Variants in KSR2 observed in about 807,000 individuals in gnomAD.
KSR2 encodes kinase suppressor of ras 2.
A neutral mutation model predicts 107.8 loss-of-function variants in KSR2; 25 were observed. The observed-to-expected ratio is 0.23, with a 90% CI of 0.17 to 0.32. The LOEUF (loss-of-function observed/expected upper bound fraction) is 0.32, where lower values mean the gene tolerates loss of function less well. KSR2 is among the 10% of genes least tolerant of loss of function. The pLI is 1.00. For synonymous variants in KSR2, 480 were observed against 507.0 expected, an observed-to-expected ratio of 0.95 and a Z score of 0.71; for missense variants, 887 against 1,268.9, an observed-to-expected ratio of 0.70 and a Z score of 4.57.
chr12:117,740,467 ATG>A (rs1888147662), intron 4 of KSR2, among the ~76,000 whole-genome samples: 1 of 48,416 alleles, frequency 2.1e-5, no homozygotes, highest in African/African-American at 6.6e-5. Context: ...CATATATTAT[ATG>A]TAATATATAA....
chr12:117,654,954 G>A (rs1395974916), intron 5 of KSR2, among the ~76,000 whole-genome samples: 1 of 152,174 alleles, frequency 6.6e-6, no homozygotes, highest in Non-Finnish European at 1.5e-5. Context: ...TCAGCAACAT[G>A]GACTTCCACT....
At chr12:117,592,653 T>G (rs1329848189) in intron 5 of KSR2, among the ~76,000 whole-genome samples, 1 of 152,232 alleles carries the variant, frequency 6.6e-6, no homozygotes, top group Admixed American at 6.5e-5. Context: ...GCTGAGGCAT[T>G]TAATTACAGT....
intron 1 of KSR2, among the ~76,000 whole-genome samples, chr12:117,967,192 T>C (rs1896823654): frequency 8.3e-6 from 1 of 119,928 alleles, no homozygotes; most frequent in African/African-American, 3.8e-5. Flanking sequence ...TCTGCCATCT[T>C]CTTTCTGAGT....
intron 7 of KSR2, among the ~76,000 whole-genome samples, chr12:117,559,794 T>C (rs564217070): frequency 1.3e-5 from 2 of 152,306 alleles, no homozygotes; most frequent in East Asian, 3.9e-4. Context: ...TTTGTCCTTT[T>C]CTTGTAGAGT....
intron 14 of KSR2, among the ~76,000 whole-genome samples, chr12:117,523,101 T>C (rs2137230514): frequency 2.0e-5 from 3 of 152,232 alleles, no homozygotes; most frequent in Middle Eastern, 3.4e-3. Context: ...CACCAGCGCT[T>C]ATCATTCAAA....
Position 117,525,056 on chromosome 12 carries a change from A to G in KSR2, c.2015T>C (p.Ile672Thr). The G allele has an allele frequency of 6.2e-7, 1 of 1,613,916 alleles. No individual in the cohort carries two copies. The highest frequency in any genetic ancestry group is 8.5e-7 in the Non-Finnish European group (1 of 1,179,868). Residue 672 changes from isoleucine (I) to threonine (T), a missense_variant, in exon 14 of 20, where the codon ATT becomes ACT. Ile to Thr is a moderately conservative substitution (Grantham distance 89). Coordinates refer to ENST00000339824, the MANE Select transcript of KSR2 (RefSeq NM_173598.6). Reference protein sequence around the residue: ...PFEQLEIGELIGKGRFGQVYH... With the variant: ...PFEQLEIGELTGKGRFGQVYH... ...CACTTGCCCAAAGCGGCCCTTTCCAATGAGCTCGCCGATCTCCAGCTGCTC... is the reference window on the plus strand; with the variant it reads ...CACTTGCCCAAAGCGGCCCTTTCCAGTGAGCTCGCCGATCTCCAGCTGCTC...
chr12:117,782,432 CT>C (rs1195159952), intron 3 of KSR2, among the ~76,000 whole-genome samples: 1 of 152,068 alleles, frequency 6.6e-6, no homozygotes, highest in Non-Finnish European at 1.5e-5. Flanking sequence ...CTTAGCTAAT[CT>C]TTTTTATTTT....
intron 1 of KSR2, among the ~76,000 whole-genome samples, chr12:117,961,358 G>A (rs1806599): frequency 0.29 from 43,922 of 151,854 alleles, 7,166 homozygotes; most frequent in African/African-American, 0.44. Flanking sequence ...ACTGTTTAGC[G>A]AACAAGAAAA....
At chr12:117,540,436 A>G (rs560919772) in intron 9 of KSR2, among the ~76,000 whole-genome samples, 3 of 152,316 alleles carry the variant, frequency 2.0e-5, no homozygotes, top group South Asian at 4.1e-4. Context: ...GTGGACTTCC[A>G]AGCACAGTAG....
intron 3 of KSR2, among the ~76,000 whole-genome samples, chr12:117,813,354 C>G (rs1566028145): frequency 6.6e-6 from 1 of 152,076 alleles, no homozygotes; most frequent in African/African-American, 2.4e-5. Flanking sequence ...AGACAACCTA[C>G]GGAATGGCAG....
At chr12:117,721,374 A>T (rs1471153327) in intron 4 of KSR2, among the ~76,000 whole-genome samples, 2 of 152,226 alleles carry the variant, frequency 1.3e-5, no homozygotes, top group African/African-American at 4.8e-5. Context: ...TTACTTCCAT[A>T]GTTGTAGAAT....
At chr12:117,619,742 AT>A (rs1656043890) in intron 5 of KSR2, among the ~76,000 whole-genome samples, 1 of 151,718 alleles carries the variant, frequency 6.6e-6, no homozygotes, top group African/African-American at 2.4e-5. Context: ...TATGAGGCCA[AT>A]TAATCATCTC....
At chr12:117,716,182 T>C (rs957075894) in intron 4 of KSR2, among the ~76,000 whole-genome samples, 1 of 152,250 alleles carries the variant, frequency 6.6e-6, no homozygotes, top group African/African-American at 2.4e-5. Flanking sequence ...ATGCCTTCCA[T>C]GAAGGCAGAA....
At chr12:117,663,599 G>T (rs1258789156) in intron 5 of KSR2, among the ~76,000 whole-genome samples, 1 of 152,164 alleles carries the variant, frequency 6.6e-6, no homozygotes, top group Non-Finnish European at 1.5e-5. Context: ...ATTTCTCATT[G>T]TATCCTCACT....
chr12:117,814,344 T>C (rs1891297623), intron 3 of KSR2, among the ~76,000 whole-genome samples: 1 of 152,182 alleles, frequency 6.6e-6, no homozygotes, highest in South Asian at 2.1e-4. Flanking sequence ...CTATACATTG[T>C]ATGTATCAAA....
chr12:117,769,448 C>T (rs1889357952), intron 3 of KSR2, among the ~76,000 whole-genome samples: 1 of 152,164 alleles, frequency 6.6e-6, no homozygotes, highest in South Asian at 2.1e-4. Flanking sequence ...ACTGAAAGAA[C>T]AAGAGTTAAT....
chr12:117,625,078 G>T (rs4767583), intron 5 of KSR2, among the ~76,000 whole-genome samples: 138,393 of 152,202 alleles, frequency 0.91, 63,181 homozygotes, highest in East Asian at 0.99. Flanking sequence ...TTGCTGAGGT[G>T]GATTATCAGC....
At chr12:117,799,085 T>C (rs7297790) in intron 3 of KSR2, among the ~76,000 whole-genome samples, 94,630 of 152,134 alleles carry the variant, frequency 0.62, 31,413 homozygotes, top group African/African-American at 0.86. Flanking sequence ...GAACAGGTAT[T>C]AAGTGATTCC....
intron 3 of KSR2, among the ~76,000 whole-genome samples, chr12:117,776,975 G>A (rs1274263454): frequency 6.6e-6 from 1 of 151,398 alleles, no homozygotes; most frequent in Non-Finnish European, 1.5e-5. Flanking sequence ...GACTAGGAGA[G>A]ATATGTGGTT....
Sources: gnomAD v4.1 joint callset for allele counts (sites outside exome capture counted in the v4.1 genomes callset) on GRCh38, gnomAD v4.1.1 for gene constraint, MANE v1.5 for transcripts, NCBI Gene and HGNC (gene_info 2026-07-23, HGNC 2026-07-21) for gene names.